The following EXT2 variants were observed in gnomAD, a reference collection of about 807,000 sequenced individuals.
EXT2 encodes exostosin glycosyltransferase 2.
Under a neutral mutation model 81.6 loss-of-function variants are expected in EXT2, and 53 were observed. The ratio of observed to expected loss-of-function variants is 0.65; its 90% CI spans 0.52 to 0.82. EXT2 has a LOEUF of 0.82. Ranked by LOEUF, EXT2 falls within the 40% of genes least tolerant of loss-of-function variation. EXT2 has a pLI of 0.00. For missense variants in EXT2, 774 were observed against 910.2 expected, an observed-to-expected ratio of 0.85 and a Z score of 1.93; for synonymous variants, 320 against 340.0, an observed-to-expected ratio of 0.94 and a Z score of 0.65.
chr11:44,101,422 A>T (rs1953980503), intron 1 of EXT2, among the ~76,000 whole-genome samples: 1 of 152,180 alleles, frequency 6.6e-6, no homozygotes, highest in Admixed American at 6.5e-5. Context: ...CTGAGTAGGG[A>T]TGCTATTCAG....
In EXT2 at chr11:44,133,379, C is replaced by A. The variant is rs561308650; in HGVS notation, c.1173+3241C>A. ...GTGGGTCTTTTTGCAAGACAGGCATCCACTTTTAGGGGAAAGCCTATTGTA... is the reference window on the plus strand; with the variant it reads ...GTGGGTCTTTTTGCAAGACAGGCATACACTTTTAGGGGAAAGCCTATTGTA... On this transcript the variant is annotated intron_variant, in intron 7 of 13. Transcript: ENST00000533608. Among the ~76,000 whole-genome samples, 155 of 152,206 alleles carry A rather than the reference C, an allele frequency of 1.0e-3. No individual in the cohort carries two copies. The Middle Eastern group carries it at 0.014, about 13-fold the overall frequency.
chr11:44,228,022 G>A (rs187815744), intron 10 of EXT2, among the ~76,000 whole-genome samples: 17 of 152,304 alleles, frequency 1.1e-4, no homozygotes, highest in African/African-American at 4.1e-4. Context: ...ACAGTTGGAG[G>A]ACGTTCTTAC....
chr11:44,242,739 C>T (rs1177723367), intron 13 of EXT2, among the ~76,000 whole-genome samples: 1 of 152,134 alleles, frequency 6.6e-6, no homozygotes, highest in Non-Finnish European at 1.5e-5. Flanking sequence ...TGTTAATTTC[C>T]AGTCCCCTTC....
At chr11:44,125,650 C>T (rs2135017412) in intron 5 of EXT2, among the ~76,000 whole-genome samples, 2 of 151,248 alleles carry the variant, frequency 1.3e-5, no homozygotes, top group Middle Eastern at 3.4e-3. Context: ...CACAGGTTAG[C>T]TCAAGGAGAA....
intron 7 of EXT2, among the ~76,000 whole-genome samples, chr11:44,157,193 G>A (rs1054439678): frequency 1.3e-5 from 2 of 152,242 alleles, no homozygotes; most frequent in Non-Finnish European, 2.9e-5. Flanking sequence ...AGTGAGCACA[G>A]CACTGGATCT....
intron 10 of EXT2, among the ~76,000 whole-genome samples, chr11:44,216,800 G>C (rs1463323737): frequency 6.6e-6 from 1 of 151,820 alleles, no homozygotes; most frequent in Non-Finnish European, 1.5e-5. Context: ...CCTAGTGTAA[G>C]AGGGAAGAGA....
intron 8 of EXT2, among the ~76,000 whole-genome samples, chr11:44,183,890 A>T (rs1230597327): frequency 6.6e-6 from 1 of 151,868 alleles, no homozygotes; most frequent in East Asian, 1.9e-4. Context: ...TATATTCTTC[A>T]TCCAATTTTC....
intron 2 of EXT2, 37 bp from the exon 3 acceptor site, chr11:44,109,157 A>T (rs1954105196): frequency 6.2e-7 from 1 of 1,602,560 alleles, no homozygotes; most frequent in Non-Finnish European, 8.5e-7. Context: ...TTCATAGTTG[A>T]CACATTAATT....
intron 10 of EXT2, among the ~76,000 whole-genome samples, chr11:44,219,828 A>G (rs1249272757): frequency 3.3e-5 from 5 of 152,232 alleles, no homozygotes; most frequent in African/African-American, 1.2e-4. Flanking sequence ...TCCCTAACAG[A>G]GGAACCATAA....
At chr11:44,133,472 T>G (rs1954523088) in intron 7 of EXT2, among the ~76,000 whole-genome samples, 1 of 152,226 alleles carries the variant, frequency 6.6e-6, no homozygotes, top group Non-Finnish European at 1.5e-5. Flanking sequence ...GAACAGAGTC[T>G]GATTTGCTTG....
intron 8 of EXT2, among the ~76,000 whole-genome samples, chr11:44,195,674 A>G (rs957837525): frequency 2.6e-5 from 4 of 152,166 alleles, no homozygotes. Context: ...ATGGGTGTCC[A>G]TCAGTGATAT....
intron 7 of EXT2, among the ~76,000 whole-genome samples, chr11:44,169,337 T>C (rs1241687949): frequency 1.3e-5 from 2 of 152,022 alleles, no homozygotes; most frequent in African/African-American, 4.8e-5. Context: ...AGGAGAGAGC[T>C]GATAAATTAT....
chr11:44,233,383 A>G (rs1955921504), intron 11 of EXT2, among the ~76,000 whole-genome samples: 1 of 152,226 alleles, frequency 6.6e-6, no homozygotes, highest in Admixed American at 6.5e-5. Flanking sequence ...ATTACTAGTA[A>G]GACTGAAATT....
At chr11:44,208,015 A>G (rs1955604315) in intron 10 of EXT2, among the ~76,000 whole-genome samples, 2 of 152,212 alleles carry the variant, frequency 1.3e-5, no homozygotes, top group Admixed American at 6.5e-5. Context: ...TTATTGGCCA[A>G]TGAAAGGCAT....
chr11:44,239,855 C>T (rs1402341665), intron 13 of EXT2, among the ~76,000 whole-genome samples: 1 of 152,018 alleles, frequency 6.6e-6, no homozygotes, highest in Non-Finnish European at 1.5e-5. Context: ...CCCTCGGTAT[C>T]CACAGGGGAT....
chr11:44,167,811 T>C (rs1186225009), intron 7 of EXT2, among the ~76,000 whole-genome samples: 1 of 152,186 alleles, frequency 6.6e-6, no homozygotes, highest in African/African-American at 2.4e-5. Flanking sequence ...AAGGAGACTT[T>C]CTTTTTTTTA....
intron 9 of EXT2, among the ~76,000 whole-genome samples, chr11:44,205,658 A>G (rs965213403): frequency 1.3e-5 from 2 of 152,184 alleles, no homozygotes; most frequent in East Asian, 1.9e-4. Flanking sequence ...GAAGTAAAAC[A>G]TTTTATCTGC....
intron 7 of EXT2, among the ~76,000 whole-genome samples, chr11:44,132,412 C>T (rs1299866544): frequency 1.3e-5 from 2 of 152,178 alleles, no homozygotes; most frequent in Admixed American, 1.3e-4. Context: ...TATTTGGGTT[C>T]AAAGAGACAC....
At chr11:44,219,937 T>G (rs1413653901) in intron 10 of EXT2, among the ~76,000 whole-genome samples, 1 of 152,272 alleles carries the variant, frequency 6.6e-6, no homozygotes, top group African/African-American at 2.4e-5. Context: ...TTTTCATTCC[T>G]TGACCTCTTG....
Sources: gnomAD v4.1 joint callset for allele counts (sites outside exome capture counted in the v4.1 genomes callset) on GRCh38, gnomAD v4.1.1 for gene constraint, MANE v1.5 for transcripts, NCBI Gene and HGNC (gene_info 2026-07-23, HGNC 2026-07-21) for gene names.